GSK3B: variants seen among roughly 807,000 people sequenced by gnomAD.
GSK3B encodes glycogen synthase kinase-3 beta.
A neutral mutation model predicts 56.4 loss-of-function variants in GSK3B; 15 were observed. That is an observed-to-expected ratio of 0.27 (90% CI 0.18 to 0.41). The LOEUF is 0.41. GSK3B is among the 10% of genes least tolerant of loss of function. The pLI, the probability that GSK3B is intolerant of heterozygous loss-of-function variation, is 1.00. For missense variants in GSK3B, 300 were observed against 513.4 expected (o/e 0.58, Z 4.02); for synonymous variants, 181 against 188.9 (o/e 0.96, Z 0.34).
rs149551002 is a variant in GSK3B, at chr3:119,962,235, C to T, written c.283-14884G>A. On this transcript the variant is annotated intron_variant, in intron 2 of 10. Transcript: ENST00000264235. ...TAGTAAAAATACAAAATTAGCCAAG[C>T]GTGGTGGTGCATACCTGTAATCCCA... Among the ~76,000 whole-genome samples the T allele has an allele frequency of 4.0e-4, 61 of 152,052 alleles. No homozygotes were observed. The East Asian group carries it at 0.011, about 28-fold the overall frequency.
intron 7 of GSK3B, among the ~76,000 whole-genome samples, chr3:119,889,985 A>G (rs555359475): frequency 4.6e-5 from 7 of 152,130 alleles, no homozygotes; most frequent in Non-Finnish European, 8.8e-5. Context: ...GACTAAATCT[A>G]AAATTATTGA....
At chr3:119,865,738 G>A (rs1309821135) in intron 8 of GSK3B, among the ~76,000 whole-genome samples, 1 of 151,674 alleles carries the variant, frequency 6.6e-6, no homozygotes, top group Admixed American at 6.6e-5. Context: ...CAAAGTGCTG[G>A]GATTACAGGC....
At chr3:120,034,707 G>T (rs1004760145) in intron 1 of GSK3B, among the ~76,000 whole-genome samples, 1 of 151,880 alleles carries the variant, frequency 6.6e-6, no homozygotes, top group African/African-American at 2.4e-5. Context: ...GGTTGAACTG[G>T]GTACCCCAAA....
At chr3:120,017,986 A>G (rs1154597) in intron 1 of GSK3B, among the ~76,000 whole-genome samples, 15,947 of 152,230 alleles carry the variant, frequency 0.1, 947 homozygotes, top group African/African-American at 0.17. Flanking sequence ...TCAATTCAAC[A>G]GATTGAGAAG....
chr3:119,876,520 G>C lies in GSK3B; in HGVS notation c.814-12C>G. The stretch of plus-strand genomic sequence containing the variant: ...GGAGTTCCCAGGACCTAGAAAGAAA[G>C]CAAGTTATTGCCATCTTTTCCTATA... On this transcript the variant is annotated splice_polypyrimidine_tract_variant and intron_variant, in intron 7 of 10. Transcript: ENST00000264235. 1 of 1,357,280 alleles carries C rather than the reference G, an allele frequency of 7.4e-7. No individual in the cohort carries two copies. Among genetic ancestry groups the C allele is most frequent in the Non-Finnish European group, 1.1e-6 (1 of 947,598 alleles). The allele number at this position is 1,357,280 out of a possible 1,614,324, so 84.1% of individuals were successfully genotyped here.
intron 1 of GSK3B, among the ~76,000 whole-genome samples, chr3:120,077,933 A>T (rs550578740): frequency 6.6e-6 from 1 of 151,856 alleles, no homozygotes; most frequent in African/African-American, 2.4e-5. Flanking sequence ...TTAAAAAAAT[A>T]TATTTTTTTT....
chr3:119,843,415 T>C (rs2055807808), intron 9 of GSK3B, 62 bp from the exon 10 acceptor site: 2 of 895,692 alleles, frequency 2.2e-6, no homozygotes, highest in African/African-American at 3.3e-5. Flanking sequence ...AAAACTATTT[T>C]ATTGGTAAGA....
chr3:119,959,506 CTTTTTTTTT>C (rs34702117), intron 2 of GSK3B, among the ~76,000 whole-genome samples: 1 of 89,176 alleles, frequency 1.1e-5, no homozygotes, highest in African/African-American at 4.3e-5. Flanking sequence ...TTCTCTCTGA[CTTTTTTTTT>C]TTTTTTTTTT....
chr3:119,981,620 C>T (rs1006555891), intron 2 of GSK3B, among the ~76,000 whole-genome samples: 3 of 152,260 alleles, frequency 2.0e-5, no homozygotes, highest in Non-Finnish European at 2.9e-5. Context: ...ATCGATCTGT[C>T]AGGCGGCAGC....
intron 1 of GSK3B, chr3:120,029,422 T>C: frequency 1.4e-6 from 1 of 736,656 alleles, no homozygotes; most frequent in Non-Finnish European, 2.5e-6. Context: ...ATCTTATGTT[T>C]TGTGGAGCTT....
chr3:119,925,739 A>G (rs771061392), intron 3 of GSK3B, among the ~76,000 whole-genome samples: 8 of 151,752 alleles, frequency 5.3e-5, no homozygotes, highest in Non-Finnish European at 8.8e-5. Flanking sequence ...CACACTAATC[A>G]CCACCATATT....
intron 8 of GSK3B, among the ~76,000 whole-genome samples, chr3:119,868,782 T>A (rs2056214387): frequency 6.6e-6 from 1 of 152,174 alleles, no homozygotes; most frequent in Non-Finnish European, 1.5e-5. Flanking sequence ...ATACAAAATA[T>A]AAGCATCCAG....
At chr3:119,882,167 T>TA (rs935885242) in intron 7 of GSK3B, among the ~76,000 whole-genome samples, 2 of 152,004 alleles carry the variant, frequency 1.3e-5, no homozygotes, top group Non-Finnish European at 2.9e-5. Context: ...TTTTTTTTTT[T>TA]ACTTATAACC....
intron 2 of GSK3B, among the ~76,000 whole-genome samples, chr3:119,993,594 C>T (rs2057587182): frequency 6.6e-6 from 1 of 152,196 alleles, no homozygotes; most frequent in South Asian, 2.1e-4. Context: ...AGCTCTGAAA[C>T]TAGCTTGTAA....
At chr3:120,019,757 A>T (rs1031465503) in intron 1 of GSK3B, among the ~76,000 whole-genome samples, 2 of 151,962 alleles carry the variant, frequency 1.3e-5, no homozygotes, top group African/African-American at 4.8e-5. Context: ...TCTACGCCTG[A>T]CCTCCCTCTG....
intron 2 of GSK3B, among the ~76,000 whole-genome samples, chr3:119,980,867 C>A (rs1261960200): frequency 6.6e-6 from 1 of 152,130 alleles, no homozygotes; most frequent in South Asian, 2.1e-4. Flanking sequence ...ATGGTAAATT[C>A]TTGTCCTAAG....
intron 4 of GSK3B, among the ~76,000 whole-genome samples, chr3:119,920,177 C>T (rs907478442): frequency 6.6e-6 from 1 of 152,076 alleles, no homozygotes; most frequent in African/African-American, 2.4e-5. Flanking sequence ...TAGAAAACCA[C>T]AATCTATAAT....
At chr3:119,836,324 C>T (rs536073393) in intron 10 of GSK3B, among the ~76,000 whole-genome samples, 2 of 152,252 alleles carry the variant, frequency 1.3e-5, no homozygotes, top group Non-Finnish European at 2.9e-5. Flanking sequence ...CTGCAGACCA[C>T]GTAAAATGAC....
chr3:119,975,195 C>A (rs2057399268), intron 2 of GSK3B, among the ~76,000 whole-genome samples: 2 of 152,030 alleles, frequency 1.3e-5, no homozygotes, highest in Admixed American at 6.5e-5. Context: ...GCCTGTAATC[C>A]CAGAACTTTG....
Sources: allele counts gnomAD v4.1 joint callset (sites outside exome capture counted in the v4.1 genomes callset), GRCh38; gene constraint gnomAD v4.1.1; transcripts MANE v1.5; gene names NCBI Gene and HGNC (gene_info 2026-07-23, HGNC 2026-07-21).